The following GAS7 variants were observed in gnomAD, a reference collection of about 807,000 sequenced individuals.
The protein encoded by GAS7 is growth arrest-specific protein 7.
A neutral mutation model predicts 71.1 loss-of-function variants in GAS7; 28 were observed. That is an observed-to-expected ratio of 0.39 (90% CI 0.29 to 0.54). The LOEUF is 0.54. Ranked by LOEUF, GAS7 falls within the 20% of genes least tolerant of loss-of-function variation. The pLI is 0.62. For missense variants in GAS7, 436 were observed against 627.8 expected, an observed-to-expected ratio of 0.69 and a Z score of 3.27; for synonymous variants, 258 against 245.8, an observed-to-expected ratio of 1.05 and a Z score of -0.46.
At chr17:10,032,897 C>T (rs780508131) in intron 1 of GAS7, among the ~76,000 whole-genome samples, 1 of 152,122 alleles carries the variant, frequency 6.6e-6, no homozygotes, top group Non-Finnish European at 1.5e-5. Context: ...AAGTGATATA[C>T]CAAAAATTGG....
At chr17:10,180,066 C>T (rs1434423377) in intron 1 of GAS7, among the ~76,000 whole-genome samples, 2 of 152,166 alleles carry the variant, frequency 1.3e-5, no homozygotes, top group Non-Finnish European at 2.9e-5. Flanking sequence ...AATGGCTGGG[C>T]GTGGTGGCTC....
chr17:10,019,402 T>C (rs1044178179), intron 2 of GAS7, among the ~76,000 whole-genome samples: 3 of 152,166 alleles, frequency 2.0e-5, no homozygotes, highest in Non-Finnish European at 4.4e-5. Context: ...CATCATGCAG[T>C]GACTTTGCCT....
In GAS7 at chr17:10,046,848, A is replaced by G. The variant is rs56120934; in HGVS notation, c.184-26951T>C. Among the ~76,000 whole-genome samples the G allele has an allele frequency of 3.6e-3, 445 of 124,154 alleles. 55 individuals carry two copies. Among genetic ancestry groups the G allele is most frequent in the African/African-American group, 0.013 (390 of 29,710 alleles). 81.4% of individuals were successfully genotyped at this position (124,154 alleles called of 152,430 possible). ...AGGAAGGAAGGAAGGAAGGAAGGAAAGAAAAGAAAAGAAAAAAGAAAAGAA... is the reference window on the plus strand; with the variant it reads ...AGGAAGGAAGGAAGGAAGGAAGGAAGGAAAAGAAAAGAAAAAAGAAAAGAA... On this transcript the variant is annotated intron_variant, in intron 1 of 13. Coordinates refer to ENST00000432992, the MANE Select transcript of GAS7 (RefSeq NM_201433.2).
intron 1 of GAS7, among the ~76,000 whole-genome samples, chr17:10,160,830 C>T (rs1248336551): frequency 6.6e-6 from 1 of 152,062 alleles, no homozygotes; most frequent in Non-Finnish European, 1.5e-5. Context: ...ATCCTCCTAC[C>T]TCAGCCTCCC....
chr17:10,120,641 G>A (rs946533852), intron 1 of GAS7, among the ~76,000 whole-genome samples: 32 of 152,200 alleles, frequency 2.1e-4, no homozygotes, highest in African/African-American at 7.2e-4. Context: ...GAACCTGGGA[G>A]GCGGAGGTTG....
chr17:10,075,538 TA>T (rs1021406437), intron 1 of GAS7, among the ~76,000 whole-genome samples: 2 of 152,100 alleles, frequency 1.3e-5, no homozygotes, highest in African/African-American at 4.8e-5. Context: ...ATAAAGCCTC[TA>T]ATCCCAGCAC....
intron 4 of GAS7, among the ~76,000 whole-genome samples, chr17:9,961,817 A>C (rs150287559): frequency 7.9e-4 from 120 of 152,294 alleles, no homozygotes; most frequent in African/African-American, 2.6e-3. Flanking sequence ...TAAACAGAGG[A>C]GTGGAAATTA....
intron 6 of GAS7, 75 bp from the exon 7 acceptor site, chr17:9,943,311 G>A (rs993946599): frequency 6.8e-6 from 6 of 881,334 alleles, no homozygotes; most frequent in South Asian, 4.1e-5. Context: ...GTAGAGGGAG[G>A]ACGGCTCCTA....
At chr17:10,041,285 T>C (rs2072864563) in intron 1 of GAS7, among the ~76,000 whole-genome samples, 1 of 152,200 alleles carries the variant, frequency 6.6e-6, no homozygotes, top group South Asian at 2.1e-4. Context: ...TCATAGCCTG[T>C]GACTCCTCAG....
Position 10,149,995 on chromosome 17 carries a change from T to C in GAS7, c.183+48213A>G, listed in dbSNP as rs370958445. Among the ~76,000 whole-genome samples the C allele has an allele frequency of 1.8e-4, 27 of 152,266 alleles. 1 individual carries two copies. The South Asian group carries it at 5.6e-3, about 32-fold the overall frequency. On this transcript the variant is annotated intron_variant, in intron 1 of 13. Coordinates refer to ENST00000432992, the MANE Select transcript of GAS7 (RefSeq NM_201433.2). ...TGACAGCTAACAGGGAAGGGGTTTC[T>C]TTCTGAGGTGATGGAAGTGTTCTGC...
chr17:10,058,983 G>A (rs1233538107), intron 1 of GAS7, among the ~76,000 whole-genome samples: 2 of 152,206 alleles, frequency 1.3e-5, no homozygotes, highest in African/African-American at 4.8e-5. Flanking sequence ...TGCAAAACCA[G>A]AAAGGAACAT....
At position 10,198,590 on chromosome 17, in the gene GAS7, G is replaced by T. The variant is rs143778593; in HGVS notation, c.-200C>A. 8,405 of 360,122 alleles carry T rather than the reference G, an allele frequency of 0.023. 664 individuals carry two copies. The highest frequency in any genetic ancestry group is 0.16 in the African/African-American group (7,709 of 46,978). The allele number at this position is 360,122 out of a possible 1,614,324, so 22.3% of individuals were successfully genotyped here. On this transcript the variant is annotated 5_prime_UTR_variant, in exon 1 of 14. Coordinates refer to ENST00000432992, the MANE Select transcript of GAS7 (RefSeq NM_201433.2). ...CGGGAAGCAGAGACTCGTTGGCTTC[G>T]CAGAGCGAGCGGCGACGCCCCCGGG...
At chr17:10,023,571 T>C (rs548990610) in intron 1 of GAS7, among the ~76,000 whole-genome samples, 6 of 151,722 alleles carry the variant, frequency 4.0e-5, no homozygotes, top group Admixed American at 2.6e-4. Context: ...TTATGCTAAG[T>C]GAAAGGAGCC....
chr17:10,036,384 GA>G (rs747206896), intron 1 of GAS7: 2 of 1,450,496 alleles, frequency 1.4e-6, no homozygotes, highest in South Asian at 2.3e-5. Context: ...AACATGCAGA[GA>G]AAAGCAAACT....
At chr17:10,139,569 T>C (rs548944952) in intron 1 of GAS7, among the ~76,000 whole-genome samples, 75 of 152,214 alleles carry the variant, frequency 4.9e-4, no homozygotes, top group Non-Finnish European at 7.5e-4. Context: ...AGCAAGGAAG[T>C]CAGGATTACA....
intron 2 of GAS7, among the ~76,000 whole-genome samples, chr17:9,987,446 T>C (rs2070688411): frequency 6.6e-6 from 1 of 152,242 alleles, no homozygotes; most frequent in Non-Finnish European, 1.5e-5. Context: ...CCAAAGATGT[T>C]AATCTTCTCC....
At chr17:10,042,259 C>T (rs1456970672) in intron 1 of GAS7, among the ~76,000 whole-genome samples, 1 of 146,886 alleles carries the variant, frequency 6.8e-6, no homozygotes, top group South Asian at 2.1e-4. Flanking sequence ...AGTGCCACCG[C>T]ACTCCGGCCT....
intron 2 of GAS7, among the ~76,000 whole-genome samples, chr17:10,017,050 G>A (rs2072054979): frequency 6.7e-6 from 1 of 149,286 alleles, no homozygotes; most frequent in Non-Finnish European, 1.5e-5. Flanking sequence ...AGGAGTGTTT[G>A]AGCCCAGGAG....
intron 5 of GAS7, among the ~76,000 whole-genome samples, chr17:9,958,311 T>C (rs1006126164): frequency 2.0e-5 from 3 of 152,254 alleles, no homozygotes; most frequent in East Asian, 3.8e-4. Flanking sequence ...ATGTGCATAA[T>C]AAGTGCACAC....
Sources: allele counts gnomAD v4.1 joint callset (sites outside exome capture counted in the v4.1 genomes callset), GRCh38; gene constraint gnomAD v4.1.1; transcripts MANE v1.5; gene names NCBI Gene and HGNC (gene_info 2026-07-23, HGNC 2026-07-21).